DPP10: variants seen among roughly 807,000 people sequenced by gnomAD.
DPP10 encodes dipeptidyl peptidase like 10, also known as inactive dipeptidyl peptidase 10.
A neutral mutation model predicts 120.9 loss-of-function variants in DPP10; 33 were observed. That is an observed-to-expected ratio of 0.27 (90% CI 0.21 to 0.37). DPP10 has a LOEUF of 0.37. Among genes scored for constraint, DPP10 ranks in the 10% least tolerant of loss-of-function variants. DPP10 has a pLI of 1.00. For synonymous variants in DPP10, 337 were observed against 326.1 expected, an observed-to-expected ratio of 1.03 and a Z score of -0.36; for missense variants, 816 against 942.8, an observed-to-expected ratio of 0.87 and a Z score of 1.76.
chr2:115,622,355 G>C (rs997764856), intron 5 of DPP10, among the ~76,000 whole-genome samples: 11 of 152,078 alleles, frequency 7.2e-5, no homozygotes, highest in Non-Finnish European at 1.5e-4. Flanking sequence ...GCATCTATCA[G>C]TGCTTCATTT....
At chr2:115,533,515 C>G (rs1250775503) in intron 5 of DPP10, among the ~76,000 whole-genome samples, 2 of 152,036 alleles carry the variant, frequency 1.3e-5, no homozygotes. Context: ...TAAAATGCAT[C>G]CTGCATGCAC....
intron 1 of DPP10, among the ~76,000 whole-genome samples, chr2:115,138,405 G>A (rs999577458): frequency 1.3e-5 from 2 of 152,186 alleles, no homozygotes. Flanking sequence ...ATTGGTTAAA[G>A]AGTGGCATTT....
intron 1 of DPP10, among the ~76,000 whole-genome samples, chr2:114,793,895 A>G (rs773926303): frequency 6.6e-6 from 1 of 152,052 alleles, no homozygotes; most frequent in Non-Finnish European, 1.5e-5. Flanking sequence ...AAGTGGGTAT[A>G]TTTCATCTTC....
At chr2:114,521,084 T>C (rs1685007642) in intron 1 of DPP10, among the ~76,000 whole-genome samples, 2 of 151,708 alleles carry the variant, frequency 1.3e-5, no homozygotes, top group South Asian at 2.1e-4. Context: ...GGAAACAAAA[T>C]GGCAAATCTG....
intron 5 of DPP10, among the ~76,000 whole-genome samples, chr2:115,637,508 G>GAGTA (rs1391491186): frequency 1.3e-5 from 2 of 152,200 alleles, no homozygotes; most frequent in Admixed American, 1.3e-4. Context: ...CCAGGTGATA[G>GAGTA]AGTAAGATTG....
At chr2:114,846,395 A>G (rs1688550423) in intron 1 of DPP10, among the ~76,000 whole-genome samples, 1 of 152,196 alleles carries the variant, frequency 6.6e-6, no homozygotes, top group Non-Finnish European at 1.5e-5. Context: ...TGTCAGAAAT[A>G]TGGATCTTTA....
rs189990762 is a variant in DPP10, at chr2:115,717,605, A to T, written c.577-10211A>T. 7.8e-3 allele frequency among the ~76,000 whole-genome samples: 1,187 copies of T among 152,174 alleles called. 14 individuals are homozygous for T. The highest frequency in any genetic ancestry group is 0.022 in the African/African-American group (924 of 41,520). On this transcript the variant is annotated intron_variant, in intron 7 of 25. Transcript: ENST00000410059. ...AACAAATGTTAGTTCTCAAAAAAAA[A>T]ATATATATGTATGTATATAAGTTCT...
intron 1 of DPP10, among the ~76,000 whole-genome samples, chr2:114,717,490 A>G (rs961783570): frequency 6.6e-5 from 10 of 152,244 alleles, no homozygotes; most frequent in Non-Finnish European, 1.3e-4. Context: ...AAATTGTTCA[A>G]TACAACATTA....
chr2:114,685,930 C>T (rs1222075156), intron 1 of DPP10, among the ~76,000 whole-genome samples: 1 of 151,918 alleles, frequency 6.6e-6, no homozygotes, highest in East Asian at 1.9e-4. Flanking sequence ...TAAATATAGC[C>T]TATTTATCCC....
intron 3 of DPP10, among the ~76,000 whole-genome samples, chr2:115,481,088 G>A (rs1397743171): frequency 2.0e-5 from 3 of 152,118 alleles, no homozygotes; most frequent in Non-Finnish European, 2.9e-5. Context: ...AGATATGTGA[G>A]CCATAAACTG....
At chr2:114,759,008 A>G (rs2106089665) in intron 1 of DPP10, among the ~76,000 whole-genome samples, 1 of 152,344 alleles carries the variant, frequency 6.6e-6, no homozygotes, top group East Asian at 1.9e-4. Flanking sequence ...TTCATTTGCA[A>G]GATAAGAAAT....
At chr2:114,909,811 G>T (rs774292223) in intron 1 of DPP10, among the ~76,000 whole-genome samples, 26 of 151,978 alleles carry the variant, frequency 1.7e-4, no homozygotes, top group Non-Finnish European at 3.5e-4. Flanking sequence ...AGCACTTTCA[G>T]TCTGACCTGA....
intron 2 of DPP10, among the ~76,000 whole-genome samples, chr2:115,327,228 T>C (rs556367086): frequency 3.3e-5 from 5 of 152,206 alleles, no homozygotes; most frequent in South Asian, 2.1e-4. Flanking sequence ...AGCATAGATA[T>C]GCAGTAGACT....
At chr2:114,616,952 A>G (rs1242291415) in intron 1 of DPP10, among the ~76,000 whole-genome samples, 1 of 152,158 alleles carries the variant, frequency 6.6e-6, no homozygotes, top group African/African-American at 2.4e-5. Context: ...AAAAGTGATT[A>G]ACCTGAAATT....
intron 1 of DPP10, among the ~76,000 whole-genome samples, chr2:114,745,326 T>G (rs1387622116): frequency 1.3e-5 from 2 of 152,164 alleles, no homozygotes; most frequent in Non-Finnish European, 2.9e-5. Flanking sequence ...TGACAAAAGG[T>G]CACCACACAA....
At chr2:115,750,334 T>G (rs943690405) in intron 10 of DPP10, 1 of 453,740 alleles carries the variant, frequency 2.2e-6, no homozygotes, top group African/African-American at 2.1e-5. Flanking sequence ...GTGATTGAGT[T>G]AATAGATATA....
chr2:115,360,942 G>T (rs2064723979), intron 3 of DPP10, among the ~76,000 whole-genome samples: 1 of 152,156 alleles, frequency 6.6e-6, no homozygotes. Flanking sequence ...CCCAGAGATT[G>T]CTGTCTGGAC....
chr2:115,813,453 A>G (rs1686881950), intron 19 of DPP10, among the ~76,000 whole-genome samples: 1 of 152,172 alleles, frequency 6.6e-6, no homozygotes, highest in African/African-American at 2.4e-5. Flanking sequence ...AATGGGCACC[A>G]GTCAGATTGA....
In DPP10 at chr2:114,669,118, G is replaced by T. The variant is rs555028327; in HGVS notation, c.60+226280G>T. ...TCAAGGTTGCATCTACTTTCTTGTT[G>T]TTACAACTGTTCCCCACTCATCTCT... On this transcript the variant is annotated intron_variant, in intron 1 of 25. Transcript: ENST00000410059. Among the ~76,000 whole-genome samples the T allele has an allele frequency of 5.3e-5, 8 of 152,114 alleles. No individual in the cohort carries two copies. The South Asian group carries it at 1.7e-3, about 32-fold the overall frequency.
Sources: gnomAD v4.1 joint callset for allele counts (sites outside exome capture counted in the v4.1 genomes callset) on GRCh38, gnomAD v4.1.1 for gene constraint, MANE v1.5 for transcripts, NCBI Gene and HGNC (gene_info 2026-07-23, HGNC 2026-07-21) for gene names.